PPARGC1A: variants seen among roughly 807,000 people sequenced by gnomAD.
PPARGC1A encodes the protein peroxisome proliferator-activated receptor gamma coactivator 1-alpha.
In PPARGC1A, 25 loss-of-function variants were observed where a neutral mutation model predicts 88.7. The ratio of observed to expected loss-of-function variants is 0.28; its 90% confidence interval spans 0.21 to 0.39. The LOEUF is 0.39. PPARGC1A is among the 10% of genes least tolerant of loss of function. The probability of loss-of-function intolerance (pLI) is 1.00; values close to 1 mark genes in which losing one functional copy is unlikely to be tolerated. For synonymous variants in PPARGC1A, 363 were observed against 355.6 expected (o/e 1.02, Z -0.24); for missense variants, 880 against 968.7 (o/e 0.91, Z 1.22).
chr4:24,110,626 A>T, the PPARGC1A span, among the ~76,000 whole-genome samples: 2 of 152,176 alleles, frequency 1.3e-5, no homozygotes, highest in African/African-American at 4.8e-5. Flanking sequence ...AACTTGGTAC[A>T]ATAATGGCCA....
chr4:23,906,554 C>T (rs571890761), upstream of PPARGC1A, among the ~76,000 whole-genome samples: 360 of 147,236 alleles, frequency 2.4e-3, 1 homozygote, highest in African/African-American at 8.7e-3. Flanking sequence ...TTGCAGTGGG[C>T]CTTGACGGTG....
At chr4:24,126,902 C>A in the PPARGC1A span, among the ~76,000 whole-genome samples, 1 of 152,144 alleles carries the variant, frequency 6.6e-6, no homozygotes, top group African/African-American at 2.4e-5. Context: ...CAGGGCATCA[C>A]GAGGACTTCC....
chr4:24,169,544 G>A, the PPARGC1A span, among the ~76,000 whole-genome samples: 1 of 151,684 alleles, frequency 6.6e-6, no homozygotes, highest in Non-Finnish European at 1.5e-5. Context: ...ATCTATAAGG[G>A]ATTTAAAATT....
At position 23,813,005 on chromosome 4, in the gene PPARGC1A, T is replaced by C; in HGVS notation, c.1898+16A>G. 2 of 1,613,386 alleles carry C rather than the reference T, an allele frequency of 1.2e-6. No homozygotes were observed. Among genetic ancestry groups the C allele is most frequent in the South Asian group, 1.1e-5 (1 of 91,042 alleles). On this transcript the variant is annotated intron_variant, in intron 9 of 12. Coordinates refer to ENST00000264867, the MANE Select transcript of PPARGC1A (RefSeq NM_013261.5). ...GGGGATAAAGGGAGCTAAAGGAAAA[T>C]GACATGCCTCATTACCTGGGCCGAC...
At chr4:24,457,566 G>A in the PPARGC1A span, among the ~76,000 whole-genome samples, 11 of 149,766 alleles carry the variant, frequency 7.3e-5, no homozygotes, top group Non-Finnish European at 1.6e-4. Flanking sequence ...TTTGTTTTAA[G>A]ATGGAGTCTT....
At chr4:24,448,382 G>C in the PPARGC1A span, among the ~76,000 whole-genome samples, 1 of 152,188 alleles carries the variant, frequency 6.6e-6, no homozygotes, top group African/African-American at 2.4e-5. Flanking sequence ...CATCTCTGCT[G>C]CTTTATGCAA....
At chr4:24,374,368 C>T in the PPARGC1A span, among the ~76,000 whole-genome samples, 1 of 151,890 alleles carries the variant, frequency 6.6e-6, no homozygotes, top group Admixed American at 6.6e-5. Context: ...ACCTTGTGTC[C>T]TCATAGTGGG....
chr4:23,809,793 C>T (rs1304343263), intron 10 of PPARGC1A, among the ~76,000 whole-genome samples: 3 of 152,164 alleles, frequency 2.0e-5, no homozygotes, highest in Non-Finnish European at 4.4e-5. Context: ...TGGCTAAAGG[C>T]TACCATATTG....
chr4:24,353,074 T>G, the PPARGC1A span, among the ~76,000 whole-genome samples: 14 of 152,288 alleles, frequency 9.2e-5, no homozygotes, highest in African/African-American at 3.4e-4. Flanking sequence ...TCCTGGGATT[T>G]CAGGGGCATG....
the PPARGC1A span, among the ~76,000 whole-genome samples, chr4:24,118,852 T>C: frequency 6.6e-6 from 1 of 152,074 alleles, no homozygotes. Flanking sequence ...CAATGAAACA[T>C]TTTCTAAGTC....
At chr4:23,912,619 C>T in the PPARGC1A span, among the ~76,000 whole-genome samples, 4 of 152,010 alleles carry the variant, frequency 2.6e-5, no homozygotes, top group South Asian at 2.1e-4. Context: ...TGAAAGCTGA[C>T]GTTTCCTTGA....
At chr4:23,942,568 T>A in the PPARGC1A span, among the ~76,000 whole-genome samples, 5 of 152,310 alleles carry the variant, frequency 3.3e-5, no homozygotes, top group East Asian at 9.6e-4. Flanking sequence ...CCACACTTAC[T>A]GAATCTGTAC....
the PPARGC1A span, among the ~76,000 whole-genome samples, chr4:24,025,002 C>T: frequency 0.93 from 142,160 of 152,226 alleles, 66,432 homozygotes; most frequent in Admixed American, 0.96. Flanking sequence ...TTACTTAGTG[C>T]TTTCAATACT....
the PPARGC1A span, among the ~76,000 whole-genome samples, chr4:24,090,281 T>C: frequency 6.2e-4 from 94 of 152,230 alleles, no homozygotes; most frequent in African/African-American, 2.2e-3. Context: ...ATTTATTTTG[T>C]ATCCTTTTCT....
the PPARGC1A span, among the ~76,000 whole-genome samples, chr4:24,104,997 T>C: frequency 6.6e-6 from 1 of 152,194 alleles, no homozygotes; most frequent in Non-Finnish European, 1.5e-5. Context: ...TAAATCACAG[T>C]GTGAACATGC....
the PPARGC1A span, among the ~76,000 whole-genome samples, chr4:24,140,864 T>A: frequency 4.6e-5 from 7 of 152,002 alleles, no homozygotes; most frequent in Non-Finnish European, 8.8e-5. Context: ...ATTTCCCCCA[T>A]CCCAATCAGC....
chr4:24,131,056 T>A, the PPARGC1A span, among the ~76,000 whole-genome samples: 285 of 152,326 alleles, frequency 1.9e-3, no homozygotes, highest in African/African-American at 6.6e-3. Context: ...TTCATCACAC[T>A]GCAACTTTAC....
chr4:24,317,222 C>T, the PPARGC1A span, among the ~76,000 whole-genome samples: 20 of 152,140 alleles, frequency 1.3e-4, no homozygotes, highest in East Asian at 3.9e-3. Flanking sequence ...CATTCAAACA[C>T]TATATACTGC....
chr4:24,071,056 A>C, the PPARGC1A span, among the ~76,000 whole-genome samples: 3 of 152,348 alleles, frequency 2.0e-5, no homozygotes, highest in Non-Finnish European at 4.4e-5. Flanking sequence ...AACATGACTT[A>C]GCTGCTACCT....
Sources: allele counts gnomAD v4.1 joint callset (sites outside exome capture counted in the v4.1 genomes callset), GRCh38; gene constraint gnomAD v4.1.1; transcripts MANE v1.5; gene names NCBI Gene and HGNC (gene_info 2026-07-23, HGNC 2026-07-21).